The following JARID2 variants were observed in gnomAD, a reference collection of about 807,000 sequenced individuals.
JARID2 encodes jumonji and AT-rich interaction domain containing 2, also known as protein Jumonji.
Under a neutral mutation model 125.6 loss-of-function variants are expected in JARID2, and 21 were observed. That is an observed-to-expected ratio of 0.17 (90% CI 0.12 to 0.24). The LOEUF (loss-of-function observed/expected upper bound fraction) is 0.24. Among genes scored for constraint, JARID2 ranks in the 10% least tolerant of loss-of-function variants. The pLI is 1.00. For missense variants in JARID2, 1,303 were observed against 1,639.6 expected, an observed-to-expected ratio of 0.79 and a Z score of 3.55; for synonymous variants, 736 against 661.6, an observed-to-expected ratio of 1.11 and a Z score of -1.73.
At chr6:15,376,882 A>T (rs1243749375) in intron 2 of JARID2, among the ~76,000 whole-genome samples, 1 of 152,200 alleles carries the variant, frequency 6.6e-6, no homozygotes, top group Non-Finnish European at 1.5e-5. Context: ...AAGCTCACAC[A>T]GTAGGGAGCA....
chr6:15,397,252 C>T (rs1035402137), intron 2 of JARID2, among the ~76,000 whole-genome samples: 1 of 152,052 alleles, frequency 6.6e-6, no homozygotes, highest in Non-Finnish European at 1.5e-5. Flanking sequence ...TTTATCACAC[C>T]CTATGTGATA....
At chr6:15,252,256 CGTAATT>C (rs1759485749) in intron 1 of JARID2, among the ~76,000 whole-genome samples, 1 of 151,990 alleles carries the variant, frequency 6.6e-6, no homozygotes, top group Non-Finnish European at 1.5e-5. Context: ...TCAAAAAAAC[CGTAATT>C]AAAAGTAGAT....
chr6:15,509,165 A>G, intron 12 of JARID2: 1 of 1,284,166 alleles, frequency 7.8e-7, no homozygotes, highest in Non-Finnish European at 1.0e-6. Flanking sequence ...CCCGCCTGTA[A>G]TCCTGACTCT....
intron 1 of JARID2, among the ~76,000 whole-genome samples, chr6:15,338,102 A>G (rs1169893037): frequency 6.6e-6 from 1 of 152,140 alleles, no homozygotes; most frequent in Admixed American, 6.6e-5. Flanking sequence ...GTTAATTCCT[A>G]TTCTCCAGGT....
At position 15,342,944 on chromosome 6, in the gene JARID2, A is replaced by T. The variant is rs182388364; in HGVS notation, c.46-31173A>T. ...ACGGTTAGGCCTGGAGCAGTGGCTC[A>T]CGCCTGTAATCCCAACATTTTGGGA... On this transcript the variant is annotated intron_variant, in intron 1 of 17. Coordinates refer to ENST00000341776, the MANE Select transcript of JARID2 (RefSeq NM_004973.4). 9.2e-5 allele frequency among the ~76,000 whole-genome samples: 14 copies of T among 152,338 alleles called. No individual in the cohort carries two copies. The East Asian group carries it at 2.7e-3, about 29-fold the overall frequency.
intron 7 of JARID2, among the ~76,000 whole-genome samples, chr6:15,500,691 C>T (rs1450217963): frequency 2.0e-5 from 3 of 152,152 alleles, no homozygotes; most frequent in East Asian, 3.9e-4. Context: ...GGTAGTCCCT[C>T]GTTCCACCTG....
At chr6:15,467,801 G>C (rs543656692) in intron 4 of JARID2, among the ~76,000 whole-genome samples, 5 of 152,168 alleles carry the variant, frequency 3.3e-5, no homozygotes, top group Non-Finnish European at 7.4e-5. Context: ...AACAGAGTGA[G>C]ACCCTTTCTA....
At position 15,325,875 on chromosome 6, in the gene JARID2, T is replaced by A. The variant is rs78228395; in HGVS notation, c.46-48242T>A. Reference sequence around the variant, plus strand: ...TTGAATTGAGTTATGAGAACTGTGTTGACTCCCGTTAAGCCAGATATTAAA... The same window carrying A: ...TTGAATTGAGTTATGAGAACTGTGTAGACTCCCGTTAAGCCAGATATTAAA... On this transcript the variant is annotated intron_variant, in intron 1 of 17. Coordinates refer to ENST00000341776, the MANE Select transcript of JARID2 (RefSeq NM_004973.4). Among the ~76,000 whole-genome samples, 1,110 of 152,266 alleles carry A rather than the reference T, an allele frequency of 7.3e-3. 14 individuals are homozygous for A. The highest frequency in any genetic ancestry group is 0.025 in the African/African-American group (1,052 of 41,536).
At chr6:15,519,996 C>A in intron 17 of JARID2, 73 bp from the exon 18 acceptor site, 1 of 1,367,866 alleles carries the variant, frequency 7.3e-7, no homozygotes, top group Non-Finnish European at 9.9e-7. Context: ...AAACTTGCCC[C>A]TGCATGGCTC....
chr6:15,288,868 C>T lies in JARID2; in HGVS notation c.45+42284C>T, dbSNP rs566089438. Among the ~76,000 whole-genome samples the T allele has an allele frequency of 2.0e-5, 3 of 152,264 alleles. No homozygotes were observed. In the South Asian group the frequency reaches 6.2e-4, roughly 32 times the overall value. On this transcript the variant is annotated intron_variant, in intron 1 of 17. Transcript: ENST00000341776. Reference sequence around the variant, plus strand: ...ATCTTACTTGGATTTTGCCTCCTGGCGAGGTGAAGAAGGGTCTACCCTTAA... The same window carrying T: ...ATCTTACTTGGATTTTGCCTCCTGGTGAGGTGAAGAAGGGTCTACCCTTAA...
At chr6:15,270,520 G>T (rs1760256360) in intron 1 of JARID2, among the ~76,000 whole-genome samples, 1 of 152,172 alleles carries the variant, frequency 6.6e-6, no homozygotes, top group Non-Finnish European at 1.5e-5. Context: ...GCATAGAATG[G>T]GTACTTTATT....
chr6:15,387,501 A>G (rs1158822074), intron 2 of JARID2, among the ~76,000 whole-genome samples: 1 of 152,150 alleles, frequency 6.6e-6, no homozygotes, highest in Non-Finnish European at 1.5e-5. Context: ...CTCTCAGGTC[A>G]GAGCCCTGTG....
intron 4 of JARID2, among the ~76,000 whole-genome samples, chr6:15,462,430 C>T (rs536414015): frequency 7.9e-4 from 120 of 152,190 alleles, no homozygotes; most frequent in Non-Finnish European, 1.7e-3. Flanking sequence ...CTGTTTGAGT[C>T]TCTGGTGCTT....
chr6:15,353,458 C>G (rs954105019), intron 1 of JARID2, among the ~76,000 whole-genome samples: 4 of 152,132 alleles, frequency 2.6e-5, no homozygotes. Flanking sequence ...AGTTTGGAGA[C>G]AAGAATGCTT....
intron 1 of JARID2, among the ~76,000 whole-genome samples, chr6:15,339,846 C>T (rs1763010146): frequency 6.6e-6 from 1 of 152,146 alleles, no homozygotes; most frequent in Non-Finnish European, 1.5e-5. Context: ...AGTTAGCTCT[C>T]TTCTAAAGTT....
In JARID2 at chr6:15,513,435, G is replaced by A. The variant is rs1322711640; in HGVS notation, c.3450+13G>A. 6.3e-7 allele frequency: 1 copy of A among 1,587,440 alleles called. No individual in the cohort carries two copies. Among genetic ancestry groups the A allele is most frequent in the African/African-American group, 1.3e-5 (1 of 74,700 alleles). On this transcript the variant is annotated intron_variant, in intron 16 of 17. Transcript: ENST00000341776. ...CTACCTGTCCATGGTGAGCCCGCCT[G>A]GCCCTGCCGGCGCCCTCGCATGTAG...
At chr6:15,343,075 C>G (rs979697515) in intron 1 of JARID2, among the ~76,000 whole-genome samples, 2 of 151,868 alleles carry the variant, frequency 1.3e-5, no homozygotes, top group African/African-American at 4.8e-5. Flanking sequence ...ACTAAAAATA[C>G]AAAAATTAGC....
intron 1 of JARID2, among the ~76,000 whole-genome samples, chr6:15,361,375 G>C (rs543488223): frequency 1.3e-5 from 2 of 152,280 alleles, no homozygotes; most frequent in East Asian, 3.9e-4. Flanking sequence ...GAAGTCTCCA[G>C]TGGTTTCCCA....
intron 1 of JARID2, among the ~76,000 whole-genome samples, chr6:15,289,549 T>A (rs1761127827): frequency 6.8e-6 from 1 of 146,008 alleles, no homozygotes; most frequent in African/African-American, 2.6e-5. Context: ...CTCTTTAAAT[T>A]GTAAAAAAAA....
Sources: allele counts gnomAD v4.1 joint callset (sites outside exome capture counted in the v4.1 genomes callset), GRCh38; gene constraint gnomAD v4.1.1; transcripts MANE v1.5; gene names NCBI Gene and HGNC (gene_info 2026-07-23, HGNC 2026-07-21).